Variants in PBRM1 observed in about 807,000 individuals in gnomAD.
PBRM1 encodes polybromo 1, also known as protein polybromo-1.
PBRM1 carries 27 observed loss-of-function variants against 194.5 expected under a neutral mutation model. The ratio of observed to expected loss-of-function variants is 0.14; its 90% CI spans 0.10 to 0.19. The LOEUF (loss-of-function observed/expected upper bound fraction) is 0.19, where lower values mean the gene tolerates loss of function less well. Among genes scored for constraint, PBRM1 ranks in the 10% least tolerant of loss-of-function variants. PBRM1 has a pLI of 1.00. For missense variants in PBRM1, 1,466 were observed against 2,077.2 expected (o/e 0.71, Z 5.72); for synonymous variants, 655 against 693.2 (o/e 0.94, Z 0.87).
downstream of PBRM1, chr3:52,547,162 G>C (rs1490298315): frequency 8.6e-6 from 2 of 232,840 alleles, no homozygotes; most frequent in Non-Finnish European, 1.7e-5. Context: ...CAATGTAACA[G>C]GTTTAAAATT....
chr3:52,658,414 T>A, intron 4 of PBRM1, 99 bp from the exon 6 acceptor site: 1 of 326,250 alleles, frequency 3.1e-6, no homozygotes, highest in Non-Finnish European at 5.6e-6. Flanking sequence ...AACAGCAACT[T>A]TTTTTTTTTT....
At chr3:52,620,201 T>G (rs1278229724) in intron 13 of PBRM1, among the ~76,000 whole-genome samples, 1 of 152,182 alleles carries the variant, frequency 6.6e-6, no homozygotes, top group Non-Finnish European at 1.5e-5. Context: ...GCTCCACATC[T>G]GGGCACAGAT....
At chr3:52,583,242 T>A (rs569960168) in intron 20 of PBRM1, among the ~76,000 whole-genome samples, 2 of 151,782 alleles carry the variant, frequency 1.3e-5, no homozygotes, top group East Asian at 3.9e-4. Context: ...AAACCCTGTC[T>A]CTACTAAAAA....
intron 27 of PBRM1, among the ~76,000 whole-genome samples, chr3:52,554,359 T>C (rs865870776): frequency 1.6e-4 from 25 of 152,378 alleles, no homozygotes; most frequent in African/African-American, 5.5e-4. Context: ...TACTCTGAAC[T>C]AGCAATTTGG....
At chr3:52,680,038 A>G (rs949393936), upstream of PBRM1, among the ~76,000 whole-genome samples, 2 of 152,174 alleles carry the variant, frequency 1.3e-5, no homozygotes, top group African/African-American at 4.8e-5. Flanking sequence ...ACCTATATGT[A>G]GCAGTACATT....
At chr3:52,626,743 A>C (rs142345884) in intron 13 of PBRM1, among the ~76,000 whole-genome samples, 3,485 of 152,208 alleles carry the variant, frequency 0.023, 53 homozygotes, top group Non-Finnish European at 0.034. Context: ...AGGAAAAAAA[A>C]CCCCAAAAAT....
chr3:52,634,613 T>C (rs1026902120), exon 11 of PBRM1: 2 of 1,596,766 alleles, frequency 1.3e-6, no homozygotes, highest in Admixed American at 1.7e-5. Context: ...GGATCTGTTG[T>C]AGTGATATGG....
intron 11 of PBRM1, among the ~76,000 whole-genome samples, chr3:52,629,384 G>C (rs1025104587): frequency 6.6e-6 from 1 of 152,244 alleles, no homozygotes; most frequent in African/African-American, 2.4e-5. Flanking sequence ...TGAACCTTAT[G>C]AAGGGACGAA....
chr3:52,662,706 G>A (rs909732952), intron 3 of PBRM1, among the ~76,000 whole-genome samples: 2 of 151,740 alleles, frequency 1.3e-5, no homozygotes, highest in East Asian at 1.9e-4. Flanking sequence ...CGCACCTGTG[G>A]TCCCAGCTAC....
exon 29 of PBRM1, chr3:52,550,525 G>T (rs2080687060): frequency 6.3e-7 from 1 of 1,578,776 alleles, no homozygotes; most frequent in Non-Finnish European, 8.6e-7. Flanking sequence ...GGTCTTTGGT[G>T]GGGGAGCTAC....
intron 11 of PBRM1, among the ~76,000 whole-genome samples, chr3:52,633,772 C>G (rs1419222396): frequency 6.6e-6 from 1 of 152,100 alleles, no homozygotes; most frequent in Non-Finnish European, 1.5e-5. Flanking sequence ...ATGCTGAGCA[C>G]CTTTTCATGT....
intron 17 of PBRM1, among the ~76,000 whole-genome samples, chr3:52,595,506 C>T (rs187004044): frequency 1.8e-4 from 28 of 152,292 alleles, no homozygotes; most frequent in East Asian, 7.7e-4. Flanking sequence ...TCAGGTCTTT[C>T]GCCCACTTTT....
At chr3:52,604,862 G>C (rs532471641) in intron 16 of PBRM1, among the ~76,000 whole-genome samples, 1 of 152,104 alleles carries the variant, frequency 6.6e-6, no homozygotes, top group South Asian at 2.1e-4. Flanking sequence ...GCTGAGGCAG[G>C]ACAATCACTT....
chr3:52,621,591 A>G (rs138595187), intron 13 of PBRM1, among the ~76,000 whole-genome samples: 84 of 152,352 alleles, frequency 5.5e-4, no homozygotes, highest in African/African-American at 1.9e-3. Flanking sequence ...TGGAAAAGTA[A>G]TTAACTACCT....
At chr3:52,662,652 C>T (rs550758366) in intron 3 of PBRM1, among the ~76,000 whole-genome samples, 4 of 151,904 alleles carry the variant, frequency 2.6e-5, no homozygotes, top group Non-Finnish European at 5.9e-5. Flanking sequence ...ATGGTGAAAC[C>T]CCGTCTCTAC....
chr3:52,597,639 A>C (rs960086025), intron 17 of PBRM1, among the ~76,000 whole-genome samples: 1 of 151,978 alleles, frequency 6.6e-6, no homozygotes, highest in Non-Finnish European at 1.5e-5. Context: ...GCTCACTACA[A>C]CCCTGAACTC....
chr3:52,651,861 T>C (rs1294051761), intron 5 of PBRM1, 51 bp from the exon 7 acceptor site: 2 of 1,201,288 alleles, frequency 1.7e-6, no homozygotes, highest in Non-Finnish European at 2.4e-6. Flanking sequence ...ATTCAGCTAA[T>C]GAAAAGAGAA....
At chr3:52,573,639 C>A (rs1425426581) in intron 22 of PBRM1, among the ~76,000 whole-genome samples, 2 of 152,244 alleles carry the variant, frequency 1.3e-5, no homozygotes, top group Middle Eastern at 3.4e-3. Flanking sequence ...AGAAATTACT[C>A]CAAGTTATGT....
intron 27 of PBRM1, among the ~76,000 whole-genome samples, chr3:52,553,861 C>A (rs1489117627): frequency 3.3e-5 from 5 of 152,068 alleles, no homozygotes; most frequent in Non-Finnish European, 7.4e-5. Flanking sequence ...GGTGTTTCAC[C>A]ATATTGGCCA....
Sources: allele counts gnomAD v4.1 joint callset (sites outside exome capture counted in the v4.1 genomes callset), GRCh38; gene constraint gnomAD v4.1.1; transcripts MANE v1.5; gene names NCBI Gene and HGNC (gene_info 2026-07-23, HGNC 2026-07-21).